Variants in STAM observed in about 807,000 individuals in gnomAD.
STAM encodes the protein signal transducing adapter molecule 1.
A neutral mutation model predicts 63.4 loss-of-function variants in STAM; 16 were observed. That is an observed-to-expected ratio of 0.25 (90% CI 0.17 to 0.38). The LOEUF (loss-of-function observed/expected upper bound fraction) is 0.38, where lower values mean the gene tolerates loss of function less well. Among genes scored for constraint, STAM ranks in the 10% least tolerant of loss-of-function variants. The pLI is 1.00. For synonymous variants in STAM, 238 were observed against 223.9 expected, an observed-to-expected ratio of 1.06 and a Z score of -0.56; for missense variants, 636 against 657.1, an observed-to-expected ratio of 0.97 and a Z score of 0.35.
At chr10:17,706,615 G>A (rs1416567550) in intron 12 of STAM, among the ~76,000 whole-genome samples, 5 of 151,886 alleles carry the variant, frequency 3.3e-5, no homozygotes, top group Non-Finnish European at 5.9e-5. Context: ...TCCTGACCTC[G>A]TGATCCACCC....
At chr10:17,672,183 G>A (rs180732455) in intron 2 of STAM, among the ~76,000 whole-genome samples, 22 of 152,176 alleles carry the variant, frequency 1.4e-4, no homozygotes, top group Middle Eastern at 3.4e-3. Flanking sequence ...TCACTAACTG[G>A]TGACCGCGCC....
intron 2 of STAM, among the ~76,000 whole-genome samples, chr10:17,669,033 G>C (rs1264711936): frequency 1.3e-5 from 2 of 152,198 alleles, no homozygotes; most frequent in Non-Finnish European, 1.5e-5. Flanking sequence ...GAAGCCACCA[G>C]ACTGTCCCCA....
intron 1 of STAM, among the ~76,000 whole-genome samples, chr10:17,652,087 A>G (rs751236672): frequency 7.9e-5 from 12 of 152,230 alleles, no homozygotes; most frequent in Non-Finnish European, 1.3e-4. Flanking sequence ...TCAGGATAAA[A>G]TGAGATCATT....
At chr10:17,701,666 A>C (rs1836003059) in intron 9 of STAM, among the ~76,000 whole-genome samples, 1 of 152,194 alleles carries the variant, frequency 6.6e-6, no homozygotes, top group Admixed American at 6.5e-5. Flanking sequence ...TTACCATAGC[A>C]TTCTTTCCTA....
In STAM at chr10:17,708,946, C is replaced by A; in HGVS notation, c.1380C>A (p.Tyr460Ter). The A allele has an allele frequency of 6.2e-7, 1 of 1,613,242 alleles. No individual in the cohort carries two copies. ...CTAGTCAGCAGACTCAGGCCGCTTACCCAAAGTAATTTTACTGTTGATTCT... is the reference window on the plus strand; with the variant it reads ...CTAGTCAGCAGACTCAGGCCGCTTAACCAAAGTAATTTTACTGTTGATTCT... ...ALPSQQTQAA[Y>*]PNTMVSSVQG... The change falls in exon 13 of 14, where the codon TAC (tyrosine) becomes TAA (stop). Residue 460 changes from tyrosine (Y) to a stop codon, truncating the protein, a stop_gained. Transcript: ENST00000377524. LOFTEE classifies it high-confidence loss of function.
At chr10:17,669,966 G>A (rs563399297) in intron 2 of STAM, among the ~76,000 whole-genome samples, 2 of 144,798 alleles carry the variant, frequency 1.4e-5, no homozygotes, top group African/African-American at 2.6e-5. Context: ...TCCTGACTTC[G>A]TGATCCGCCC....
intron 7 of STAM, 89 bp from the exon 8 acceptor site, chr10:17,696,686 A>C (rs1265116062): frequency 2.9e-5 from 25 of 873,448 alleles, no homozygotes; most frequent in Middle Eastern, 2.4e-4. Flanking sequence ...CAAATTTTGT[A>C]ATAGTGTAAG....
chr10:17,693,541 C>G (rs781951186), intron 6 of STAM, among the ~76,000 whole-genome samples: 66 of 152,110 alleles, frequency 4.3e-4, no homozygotes, highest in Non-Finnish European at 7.6e-4. Context: ...AAAACAATAT[C>G]AAGTGCTTTT....
intron 1 of STAM, among the ~76,000 whole-genome samples, chr10:17,657,635 T>G (rs1554822322): frequency 2.0e-5 from 3 of 152,260 alleles, no homozygotes; most frequent in Non-Finnish European, 2.9e-5. Flanking sequence ...TGATTCAGTT[T>G]TTTAAATAGA....
chr10:17,711,724 A>T (rs1369851943), intron 13 of STAM, among the ~76,000 whole-genome samples: 2 of 152,186 alleles, frequency 1.3e-5, no homozygotes, highest in Non-Finnish European at 2.9e-5. Flanking sequence ...CAGCACACTT[A>T]CCAAGGGTTG....
rs927987405 is a variant in STAM, at chr10:17,660,622, G to A, written c.125+74G>A. 2.6e-6 allele frequency: 3 copies of A among 1,138,106 alleles called. No individual in the cohort carries two copies. In the Admixed American group the frequency reaches 6.8e-5, roughly 26 times the overall value. The allele number at this position is 1,138,106 out of a possible 1,614,324, so 70.5% of individuals were successfully genotyped here. ...CACGAAAGGCCAGGTGCAGTGGCTT[G>A]CACCTGTAGGCCCAGCCCCTCGGTA... On this transcript the variant is annotated intron_variant, in intron 2 of 13. Coordinates refer to ENST00000377524, the MANE Select transcript of STAM (RefSeq NM_003473.4).
chr10:17,644,253 G>A lies in STAM; in HGVS notation c.-87G>A. The A allele has an allele frequency of 7.1e-7, 1 of 1,416,184 alleles. No homozygotes were observed. The allele number at this position is 1,416,184 out of a possible 1,614,324, so 87.7% of individuals were successfully genotyped here. A position where few individuals can be genotyped will look rare whatever the true frequency, so the allele number is the denominator to read the frequency against. Reference sequence around the variant, plus strand: ...AGAGTCGGTCTCTGTTGCTCTTTTTGCCTGAGGAGTCTTCCATCCTACGTC... The same window carrying A: ...AGAGTCGGTCTCTGTTGCTCTTTTTACCTGAGGAGTCTTCCATCCTACGTC... On this transcript the variant is annotated 5_prime_UTR_variant, in exon 1 of 14. Transcript: ENST00000377524.
chr10:17,645,749 A>G (rs1006836554), intron 1 of STAM, among the ~76,000 whole-genome samples: 1 of 152,230 alleles, frequency 6.6e-6, no homozygotes, highest in African/African-American at 2.4e-5. Flanking sequence ...CACACACTAC[A>G]GGACACAGCA....
At position 17,715,266 on chromosome 10, in the gene STAM, A is replaced by G. The variant is rs1836766959; in HGVS notation, c.*486A>G. On this transcript the variant is annotated 3_prime_UTR_variant, in exon 14 of 14. Coordinates refer to ENST00000377524, the MANE Select transcript of STAM (RefSeq NM_003473.4). Reference sequence around the variant, plus strand: ...TGTTTTGTGTAAATTTAAGGTAATTATACTATCCTTTTAAACTTCAAGAAA... The same window carrying G: ...TGTTTTGTGTAAATTTAAGGTAATTGTACTATCCTTTTAAACTTCAAGAAA... 1 of 166,952 alleles carries G rather than the reference A, an allele frequency of 6.0e-6. No individual in the cohort carries two copies. The allele number at this position is 166,952 out of a possible 1,614,324, so 10.3% of individuals were successfully genotyped here.
chr10:17,682,223 A>G (rs1835116855), intron 2 of STAM, among the ~76,000 whole-genome samples: 1 of 152,248 alleles, frequency 6.6e-6, no homozygotes, highest in Admixed American at 6.5e-5. Flanking sequence ...AGAATTTCAT[A>G]AAATGAAATA....
At chr10:17,697,416 C>G (rs1289276289) in intron 8 of STAM, among the ~76,000 whole-genome samples, 6 of 151,980 alleles carry the variant, frequency 3.9e-5, no homozygotes, top group African/African-American at 1.5e-4. Context: ...GTGTGTAGTC[C>G]CAGACTTGAA....
At position 17,696,771 on chromosome 10, in the gene STAM, A is replaced by G. The variant is rs61749166; in HGVS notation, c.729-4A>G. 6 of 1,605,578 alleles carry G rather than the reference A, an allele frequency of 3.7e-6. No individual in the cohort carries two copies. The highest frequency in any genetic ancestry group is 3.4e-6 in the Non-Finnish European group (4 of 1,172,812). ...GGTAAAGCATTGTTTTTTGTTTGTC[A>G]TAGTGATCCTAACTGGTGGAAAGGT... On this transcript the variant is annotated splice_polypyrimidine_tract_variant and splice_region_variant and intron_variant, in intron 7 of 13. Transcript: ENST00000377524.
chr10:17,708,963 G>C lies in STAM; in HGVS notation c.1385+12G>C, dbSNP rs1554829770. On this transcript the variant is annotated intron_variant, in intron 13 of 13. Transcript: ENST00000377524. ...GCCGCTTACCCAAAGTAATTTTACTGTTGATTCTTGTTTGGAGTTAGTGCT... is the reference window on the plus strand; with the variant it reads ...GCCGCTTACCCAAAGTAATTTTACTCTTGATTCTTGTTTGGAGTTAGTGCT... 6.2e-7 allele frequency: 1 copy of C among 1,611,706 alleles called. No homozygotes were observed. Among genetic ancestry groups the C allele is most frequent in the Admixed American group, 1.7e-5 (1 of 59,872 alleles).
intron 6 of STAM, among the ~76,000 whole-genome samples, chr10:17,693,613 T>C (rs1397214660): frequency 2.6e-5 from 4 of 152,208 alleles, no homozygotes; most frequent in African/African-American, 9.6e-5. Context: ...GCCACTTGCT[T>C]TTCTCATGCA....
Sources: gnomAD v4.1 joint callset for allele counts (sites outside exome capture counted in the v4.1 genomes callset) on GRCh38, gnomAD v4.1.1 for gene constraint, MANE v1.5 for transcripts, NCBI Gene and HGNC (gene_info 2026-07-23, HGNC 2026-07-21) for gene names.